GRID2: variants seen among roughly 807,000 people sequenced by gnomAD.
GRID2 encodes the protein glutamate ionotropic receptor delta type subunit 2.
A neutral mutation model predicts 114.8 loss-of-function variants in GRID2; 33 were observed. The observed-to-expected ratio is 0.29, with a 90% CI of 0.22 to 0.38. GRID2 has a LOEUF of 0.38. Ranked by LOEUF, GRID2 falls within the 10% of genes least tolerant of loss-of-function variation. GRID2 has a pLI of 1.00. For missense variants in GRID2, 1,184 were observed against 1,257.7 expected (o/e 0.94, Z 0.89); for synonymous variants, 505 against 449.9 (o/e 1.12, Z -1.55).
At chr4:92,576,335 T>A (rs1028586635) in intron 1 of GRID2, among the ~76,000 whole-genome samples, 1 of 152,214 alleles carries the variant, frequency 6.6e-6, no homozygotes, top group Non-Finnish European at 1.5e-5. Context: ...CTGATTGGAC[T>A]AAACAGCAGA....
At chr4:93,095,473 G>A (rs958158646) in intron 3 of GRID2, among the ~76,000 whole-genome samples, 4 of 151,894 alleles carry the variant, frequency 2.6e-5, no homozygotes, top group African/African-American at 9.7e-5. Context: ...CTGAAATAAA[G>A]CAAAGAATAA....
At chr4:93,685,510 A>G (rs1199766262) in intron 14 of GRID2, among the ~76,000 whole-genome samples, 1 of 152,050 alleles carries the variant, frequency 6.6e-6, no homozygotes, top group Non-Finnish European at 1.5e-5. Flanking sequence ...ACTCTTGGTA[A>G]TTTCCATAGG....
At chr4:92,651,231 G>A (rs62309198) in intron 2 of GRID2, among the ~76,000 whole-genome samples, 8,629 of 152,122 alleles carry the variant, frequency 0.057, 337 homozygotes, top group East Asian at 0.16. Flanking sequence ...GAAACAGTCC[G>A]ATGCAATCAA....
At chr4:93,558,813 G>A (rs912598020) in intron 13 of GRID2, among the ~76,000 whole-genome samples, 2 of 152,102 alleles carry the variant, frequency 1.3e-5, no homozygotes, top group African/African-American at 4.8e-5. Flanking sequence ...ATATCCTAAT[G>A]AACATCAATG....
intron 13 of GRID2, among the ~76,000 whole-genome samples, chr4:93,596,493 CG>C (rs1362442242): frequency 1.1e-4 from 16 of 151,766 alleles, no homozygotes; most frequent in African/African-American, 3.6e-4. Flanking sequence ...CAGAAGAATG[CG>C]GTGAACTCGG....
intron 2 of GRID2, among the ~76,000 whole-genome samples, chr4:92,988,170 T>C (rs1290016057): frequency 1.3e-5 from 2 of 152,172 alleles, no homozygotes; most frequent in South Asian, 2.1e-4. Context: ...AGCTGGGTGC[T>C]TCTGGCTCAG....
At chr4:93,149,951 G>A (rs1337736117) in intron 4 of GRID2, among the ~76,000 whole-genome samples, 4 of 152,052 alleles carry the variant, frequency 2.6e-5, no homozygotes, top group African/African-American at 9.6e-5. Context: ...GAAGAGCTTT[G>A]ATAGTCACAA....
Position 93,455,770 on chromosome 4 carries a change from G to A in GRID2, c.1654G>A (p.Ala552Thr). Reference sequence around the variant, plus strand: ...CTCAGTGGGGGTACTACTTCGAAGGGCTGAAAAGACAGTGGATATGTTTGC... The same window carrying A: ...CTCAGTGGGGGTACTACTTCGAAGGACTGAAAAGACAGTGGATATGTTTGC... ...DYSVGVLLRR[A>T]EKTVDMFACL... is the part of the protein sequence containing the mutation. Residue 552 changes from alanine (A) to threonine (T), a missense_variant, in exon 11 of 16, where the codon GCT becomes ACT. By Grantham distance (58) the Ala-to-Thr change is moderately conservative (BLOSUM62 0). Transcript: ENST00000282020. 6.2e-7 allele frequency: 1 copy of A among 1,612,928 alleles called. No homozygotes were observed. The highest frequency in any genetic ancestry group is 1.1e-5 in the South Asian group (1 of 91,062).
chr4:92,881,199 G>A (rs149681977), intron 2 of GRID2, among the ~76,000 whole-genome samples: 3 of 152,196 alleles, frequency 2.0e-5, no homozygotes, highest in East Asian at 3.9e-4. Context: ...CACCCAGCTC[G>A]GCCTCTTTTT....
At chr4:93,295,705 C>T (rs1754229160) in intron 8 of GRID2, among the ~76,000 whole-genome samples, 1 of 152,174 alleles carries the variant, frequency 6.6e-6, no homozygotes, top group Non-Finnish European at 1.5e-5. Context: ...GAATCAGACC[C>T]ATCCAGATGA....
intron 2 of GRID2, among the ~76,000 whole-genome samples, chr4:92,740,125 G>A (rs1441308255): frequency 6.6e-6 from 1 of 151,960 alleles, no homozygotes; most frequent in East Asian, 1.9e-4. Flanking sequence ...TCTCTGCTTT[G>A]GATCGTGTTT....
intron 14 of GRID2, among the ~76,000 whole-genome samples, chr4:93,676,419 T>C (rs910237986): frequency 1.3e-5 from 2 of 152,336 alleles, no homozygotes; most frequent in Admixed American, 6.5e-5. Context: ...TTAGATAATT[T>C]AATGTGCATA....
intron 8 of GRID2, among the ~76,000 whole-genome samples, chr4:93,298,873 C>T (rs1394675435): frequency 6.6e-6 from 1 of 152,170 alleles, no homozygotes; most frequent in African/African-American, 2.4e-5. Flanking sequence ...TCTGCTTTTG[C>T]TCATCATTTT....
rs182574503 is a variant in GRID2 at position 93,275,754 on chromosome 4, A to G, written c.1245+37264A>G. Among the ~76,000 whole-genome samples, 756 of 152,012 alleles carry G rather than the reference A, an allele frequency of 5.0e-3. 2 individuals are homozygous for G. Among genetic ancestry groups the G allele is most frequent in the Non-Finnish European group, 8.2e-3 (556 of 67,870 alleles). On this transcript the variant is annotated intron_variant, in intron 8 of 15. Transcript: ENST00000282020. ...GCATCTTTTCCTGTGCTCGTTGGCCATTTATAGATCTTCTTTGGAGAAATG... is the reference window on the plus strand; with the variant it reads ...GCATCTTTTCCTGTGCTCGTTGGCCGTTTATAGATCTTCTTTGGAGAAATG...
At chr4:93,313,636 C>T (rs1756258258) in intron 8 of GRID2, among the ~76,000 whole-genome samples, 1 of 152,106 alleles carries the variant, frequency 6.6e-6, no homozygotes, top group Non-Finnish European at 1.5e-5. Flanking sequence ...AGCTCTGACT[C>T]AAATATTGTT....
At chr4:93,735,239 A>G (rs201091433) in intron 14 of GRID2, among the ~76,000 whole-genome samples, 2 of 152,146 alleles carry the variant, frequency 1.3e-5, no homozygotes, top group East Asian at 3.9e-4. Context: ...TTCTCTAAGT[A>G]CACATTTGAC....
At chr4:92,990,116 AT>A (rs1259930992) in intron 2 of GRID2, among the ~76,000 whole-genome samples, 2 of 150,908 alleles carry the variant, frequency 1.3e-5, no homozygotes, top group Non-Finnish European at 3.0e-5. Flanking sequence ...AAGTTCTTTA[AT>A]TTTTTATGTA....
intron 2 of GRID2, among the ~76,000 whole-genome samples, chr4:92,811,431 G>A (rs1251624375): frequency 2.6e-5 from 4 of 151,528 alleles, no homozygotes; most frequent in Admixed American, 2.6e-4. Context: ...TGTCTGTTTT[G>A]CATGCATTAA....
chr4:92,661,301 G>T (rs1239633386), intron 2 of GRID2, among the ~76,000 whole-genome samples: 6 of 150,880 alleles, frequency 4.0e-5, no homozygotes, highest in Admixed American at 2.0e-4. Flanking sequence ...AAGTCACCCT[G>T]TTTAAAAGTA....
Sources: gnomAD v4.1 joint callset for allele counts (sites outside exome capture counted in the v4.1 genomes callset) on GRCh38, gnomAD v4.1.1 for gene constraint, MANE v1.5 for transcripts, NCBI Gene and HGNC (gene_info 2026-07-23, HGNC 2026-07-21) for gene names.